Variants in BCL11B observed in about 807,000 individuals in gnomAD.
BCL11B encodes B-cell lymphoma/leukemia 11B.
BCL11B carries 8 observed loss-of-function variants against 49.9 expected under a neutral mutation model. That is an observed-to-expected ratio of 0.16 (90% confidence interval 0.09 to 0.29). The LOEUF (loss-of-function observed/expected upper bound fraction) is 0.29, where lower values mean the gene tolerates loss of function less well. BCL11B is among the 10% of genes least tolerant of loss of function. The pLI, the probability that BCL11B is intolerant of heterozygous loss-of-function variation, is 1.00. For missense variants in BCL11B, 1,006 were observed against 1,351.0 expected (o/e 0.74, Z 4.00); for synonymous variants, 739 against 637.4 (o/e 1.16, Z -2.40).
At chr14:99,190,536 G>C (rs967506645) in intron 3 of BCL11B, among the ~76,000 whole-genome samples, 4 of 152,158 alleles carry the variant, frequency 2.6e-5, no homozygotes, top group African/African-American at 9.7e-5. Context: ...ACTTGTCTGT[G>C]CCTTTGTTTT....
chr14:99,224,599 C>T (rs959902577), intron 3 of BCL11B, among the ~76,000 whole-genome samples: 6 of 152,204 alleles, frequency 3.9e-5, no homozygotes, highest in Non-Finnish European at 7.3e-5. Flanking sequence ...AGCTTTCTCC[C>T]TCCTTCCCTT....
At chr14:99,182,742 G>T (rs936444036) in intron 3 of BCL11B, among the ~76,000 whole-genome samples, 1 of 152,254 alleles carries the variant, frequency 6.6e-6, no homozygotes, top group Non-Finnish European at 1.5e-5. Flanking sequence ...CCACACCAAG[G>T]CCTGCGGTAG....
At position 99,174,583 on chromosome 14, in the gene BCL11B, G is replaced by A. The variant is rs1271580862; in HGVS notation, c.2253C>T (p.Arg751=). 32 of 1,524,440 alleles carry A rather than the reference G, an allele frequency of 2.1e-5. No individual in the cohort carries two copies. Among genetic ancestry groups the A allele is most frequent in the Non-Finnish European group, 2.6e-5 (30 of 1,138,882 alleles). The allele number at this position is 1,524,440 out of a possible 1,614,324, so 94.4% of individuals were successfully genotyped here. A position where few individuals can be genotyped will look rare whatever the true frequency, so the allele number is the denominator to read the frequency against. Residue 751 remains arginine (R), a synonymous_variant, in exon 4 of 4, where the codon CGC becomes CGT. Transcript: ENST00000357195. ...GCAGGTCCCCGGGCGGCGTGGAGAAGCGCAGGCTGCCGTTCTCGGACGAGT... is the reference window on the plus strand; with the variant it reads ...GCAGGTCCCCGGGCGGCGTGGAGAAACGCAGGCTGCCGTTCTCGGACGAGT... ...SEHSSENGSL[R]FSTPPGDLLD... is the part of the protein sequence containing the mutation.
At chr14:99,179,306 T>G (rs1244787263) in intron 3 of BCL11B, among the ~76,000 whole-genome samples, 3 of 151,958 alleles carry the variant, frequency 2.0e-5, no homozygotes, top group African/African-American at 7.3e-5. Context: ...AAACCCCATC[T>G]CTGCTAAAAA....
At chr14:99,207,446 G>A (rs140455803) in intron 3 of BCL11B, among the ~76,000 whole-genome samples, 155 of 152,246 alleles carry the variant, frequency 1.0e-3, no homozygotes, top group African/African-American at 3.6e-3. Flanking sequence ...ATGAAGCTGA[G>A]GGAGCTTTGG....
intron 3 of BCL11B, among the ~76,000 whole-genome samples, chr14:99,186,689 C>T (rs1034937838): frequency 6.6e-5 from 10 of 152,200 alleles, no homozygotes; most frequent in African/African-American, 2.4e-4. Context: ...GGATATAGAG[C>T]AAATTCCATT....
intron 2 of BCL11B, among the ~76,000 whole-genome samples, chr14:99,254,348 G>A (rs767188196): frequency 9.9e-5 from 15 of 152,226 alleles, no homozygotes; most frequent in Non-Finnish European, 4.4e-5. Flanking sequence ...CTAGTGTGAT[G>A]ACTGACAGAA....
Position 99,231,410 on chromosome 14 carries a change from G to GAGACC in BCL11B, c.570_574dup (p.Ser192TrpfsTer91). 6.3e-7 allele frequency: 1 copy of GAGACC among 1,597,980 alleles called. No homozygotes were observed. Among genetic ancestry groups the GAGACC allele is most frequent in the Non-Finnish European group, 8.5e-7 (1 of 1,171,996 alleles). The stretch of plus-strand genomic sequence containing the variant: ...ACCCTCACCCTGAGTCCCGTCACCC[G>GAGACC]AGACCGGGCGCGCGCTGCAGCACGG... On this transcript the variant is annotated frameshift_variant, in exon 3 of 4. Transcript: ENST00000357195. LOFTEE classifies it high-confidence loss of function. The surrounding 1 kb of genome is among the most constrained non-coding windows in gnomAD (Gnocchi z 8.1).
intron 3 of BCL11B, among the ~76,000 whole-genome samples, chr14:99,180,946 G>T (rs1238198597): frequency 1.3e-5 from 2 of 152,108 alleles, no homozygotes; most frequent in Non-Finnish European, 1.5e-5. Flanking sequence ...CTCTCCCTCT[G>T]CCATTAGGCT....
rs1388825064 is a variant in BCL11B at position 99,232,109 on chromosome 14, AGCTG to A, written c.428-556_428-553del. Reference sequence around the variant, plus strand: ...TTAGCCTCCTGTCTGGCAGACCACCAGCTGGGGGCTCTCTCCAGCCCCAAGCACT... The same window carrying A: ...TTAGCCTCCTGTCTGGCAGACCACCAGGGGCTCTCTCCAGCCCCAAGCACT... On this transcript the variant is annotated intron_variant, in intron 2 of 3. Coordinates refer to ENST00000357195, the MANE Select transcript of BCL11B (RefSeq NM_138576.4). The surrounding 1 kb of genome is among the most constrained non-coding windows in gnomAD (Gnocchi z 5.1). Among the ~76,000 whole-genome samples, 1 of 152,072 alleles carries A rather than the reference AGCTG, an allele frequency of 6.6e-6. No homozygotes were observed. The highest frequency in any genetic ancestry group is 1.5e-5 in the Non-Finnish European group (1 of 67,980).
rs1889076245 is a variant in BCL11B, at chr14:99,253,749, C to G, written c.427+3722G>C. On this transcript the variant is annotated intron_variant, in intron 2 of 3. Coordinates refer to ENST00000357195, the MANE Select transcript of BCL11B (RefSeq NM_138576.4). ...GCAGCGCCACGTGCTCTTTGCAAAA[C>G]CTGGAACACCTCTCAGCTCCCCCAA... 2.0e-5 allele frequency among the ~76,000 whole-genome samples: 3 copies of G among 152,152 alleles called. No homozygotes were observed. In the South Asian group the frequency reaches 6.2e-4, roughly 32 times the overall value.
Position 99,175,785 on chromosome 14 carries a change from G to C in BCL11B, c.1051C>G (p.Leu351Val). ...HPSAFDRVMR[L>V]NPMAIDSPAM... is the part of the protein sequence containing the mutation. The stretch of plus-strand genomic sequence containing the variant: ...GGCGAGTCGATGGCCATGGGGTTCA[G>C]GCGCATGACTCGGTCGAAGGCACTG... The change falls in exon 4 of 4, where the codon CTG becomes GTG. Residue 351 changes from leucine to valine, a missense_variant. Around this residue, in one of 6 missense-constraint regions of BCL11B, gnomAD observed 411 missense variants for 542.2 expected, o/e 0.76. Coordinates refer to ENST00000357195, the MANE Select transcript of BCL11B (RefSeq NM_138576.4). The C allele has an allele frequency of 2.7e-6, 4 of 1,472,514 alleles. No homozygotes were observed. The highest frequency in any genetic ancestry group is 3.6e-6 in the Non-Finnish European group (4 of 1,123,228). The allele number at this position is 1,472,514 out of a possible 1,614,324, so 91.2% of individuals were successfully genotyped here.
intron 3 of BCL11B, among the ~76,000 whole-genome samples, chr14:99,208,024 G>A (rs564647215): frequency 6.6e-5 from 10 of 152,200 alleles, no homozygotes; most frequent in Non-Finnish European, 8.8e-5. Context: ...AGCACAGAGC[G>A]GGTGCTTTGT....
Position 99,223,551 on chromosome 14 carries a change from G to A in BCL11B, c.640+7794C>T, listed in dbSNP as rs1458895132. On this transcript the variant is annotated intron_variant, in intron 3 of 3. Coordinates refer to ENST00000357195, the MANE Select transcript of BCL11B (RefSeq NM_138576.4). ...CAATTCACACAATTCTGTTTAATAC[G>A]GCGCTGCTCCATGAGGATGAGCATA... is the stretch of plus-strand genomic sequence containing the variant. Among the ~76,000 whole-genome samples the A allele has an allele frequency of 5.9e-5, 9 of 152,270 alleles. 1 individual carries two copies. The highest frequency in any genetic ancestry group is 6.8e-3 in the Middle Eastern group (2 of 294).
At chr14:99,237,105 A>G (rs897219567) in intron 2 of BCL11B, among the ~76,000 whole-genome samples, 20 of 152,076 alleles carry the variant, frequency 1.3e-4, no homozygotes, top group African/African-American at 4.6e-4. Context: ...GACAGCAGGA[A>G]TAGAGAAGAA....
intron 3 of BCL11B, among the ~76,000 whole-genome samples, chr14:99,221,685 G>A (rs145230364): frequency 6.6e-6 from 1 of 152,360 alleles, no homozygotes; most frequent in East Asian, 1.9e-4. Flanking sequence ...TCCACCAGAC[G>A]CGCAAGGAAA....
chr14:99,252,376 C>T (rs1889032097), intron 2 of BCL11B, among the ~76,000 whole-genome samples: 1 of 152,206 alleles, frequency 6.6e-6, no homozygotes, highest in African/African-American at 2.4e-5. Flanking sequence ...TATTTAGTTT[C>T]TCTCACTAGC....
In BCL11B at chr14:99,174,819, G is replaced by A. The variant is rs1595214173; in HGVS notation, c.2017C>T (p.Pro673Ser). 7.2e-7 allele frequency: 1 copy of A among 1,383,200 alleles called. No individual in the cohort carries two copies. 85.7% of individuals were successfully genotyped at this position (1,383,200 alleles called of 1,614,324 possible). A position where few individuals can be genotyped will look rare whatever the true frequency, so the allele number is the denominator to read the frequency against. ...AGCCCGGGGCTGGGCAGCGGCGCGG[G>A]CTTGCGCGGGAAGAGCCCGGGGAAG... is the stretch of plus-strand genomic sequence containing the variant. ...EPFPGLFPRK[P>S]APLPSPGLNS... The change falls in exon 4 of 4, where the codon CCC (proline) becomes TCC (serine). Residue 673 changes from proline to serine, a missense_variant. By Grantham distance (74) the Pro-to-Ser change is moderately conservative (BLOSUM62 -1). Coordinates refer to ENST00000357195, the MANE Select transcript of BCL11B (RefSeq NM_138576.4).
intron 2 of BCL11B, among the ~76,000 whole-genome samples, chr14:99,252,073 A>G (rs1280814136): frequency 6.6e-6 from 1 of 151,758 alleles, no homozygotes; most frequent in Admixed American, 6.6e-5. Flanking sequence ...CTTCCCCACC[A>G]CCCACCAGCC....
Sources: allele counts gnomAD v4.1 joint callset (sites outside exome capture counted in the v4.1 genomes callset), GRCh38; gene constraint gnomAD v4.1.1; regional missense constraint gnomAD v4.1.1; non-coding constraint Gnocchi (gnomAD v3.1); transcripts MANE v1.5; gene names NCBI Gene and HGNC (gene_info 2026-07-23, HGNC 2026-07-21).